Variants in ADGRL3 observed in about 807,000 individuals in gnomAD.
The protein encoded by ADGRL3 is calcium-independent alpha-latrotoxin receptor 3.
Under a neutral mutation model 153.5 loss-of-function variants are expected in ADGRL3, and 62 were observed. That is an observed-to-expected ratio of 0.40 (90% confidence interval 0.33 to 0.50). ADGRL3 has a LOEUF of 0.50. Among genes scored for constraint, ADGRL3 ranks in the 20% least tolerant of loss-of-function variants. The pLI is 0.47. For synonymous variants in ADGRL3, 710 were observed against 672.5 expected, an observed-to-expected ratio of 1.06 and a Z score of -0.86; for missense variants, 1,641 against 1,859.4, an observed-to-expected ratio of 0.88 and a Z score of 2.16.
At chr4:61,204,855 T>C (rs1205843338) in intron 1 of ADGRL3, among the ~76,000 whole-genome samples, 1 of 152,202 alleles carries the variant, frequency 6.6e-6, no homozygotes, top group Non-Finnish European at 1.5e-5. Flanking sequence ...TGTCTCATTT[T>C]TGGTTGCTTG....
intron 1 of ADGRL3, among the ~76,000 whole-genome samples, chr4:61,209,115 C>G (rs1738662536): frequency 6.6e-6 from 1 of 152,090 alleles, no homozygotes; most frequent in Non-Finnish European, 1.5e-5. Context: ...TCTGACCCAG[C>G]CTATCACTAT....
At chr4:61,600,223 G>A (rs574477633) in intron 5 of ADGRL3, among the ~76,000 whole-genome samples, 9 of 137,842 alleles carry the variant, frequency 6.5e-5, no homozygotes, top group African/African-American at 2.2e-4. Context: ...CAGGAGAATC[G>A]CTTGGACCTG....
At chr4:61,960,344 G>C (rs2098983076) in intron 17 of ADGRL3, among the ~76,000 whole-genome samples, 1 of 152,158 alleles carries the variant, frequency 6.6e-6, no homozygotes, top group South Asian at 2.1e-4. Flanking sequence ...ACAAAAACAA[G>C]ACCCTGAACC....
chr4:61,350,355 T>A (rs2096017111), intron 1 of ADGRL3, among the ~76,000 whole-genome samples: 1 of 151,388 alleles, frequency 6.6e-6, no homozygotes, highest in Admixed American at 6.6e-5. Context: ...TTTTTTTTTT[T>A]TTTTTTTCTA....
chr4:61,847,038 T>G (rs1229218901), intron 9 of ADGRL3, among the ~76,000 whole-genome samples: 1 of 151,534 alleles, frequency 6.6e-6, no homozygotes, highest in Non-Finnish European at 1.5e-5. Context: ...AACTCCTCAC[T>G]GGGCCCTGCC....
chr4:61,674,305 T>A (rs2150856369), intron 5 of ADGRL3, among the ~76,000 whole-genome samples: 1 of 151,818 alleles, frequency 6.6e-6, no homozygotes, highest in African/African-American at 2.4e-5. Flanking sequence ...TCCATAATTG[T>A]AAATTTTAAC....
intron 6 of ADGRL3, among the ~76,000 whole-genome samples, chr4:61,689,566 A>G (rs2095503293): frequency 6.6e-6 from 1 of 152,160 alleles, no homozygotes. Context: ...TAAATTTCCA[A>G]AGTGATTTTT....
intron 2 of ADGRL3, among the ~76,000 whole-genome samples, chr4:61,432,169 G>C (rs1282087557): frequency 6.6e-6 from 1 of 152,088 alleles, no homozygotes; most frequent in Non-Finnish European, 1.5e-5. Context: ...ATGATTCTGT[G>C]AATGTCATAA....
intron 14 of ADGRL3, among the ~76,000 whole-genome samples, chr4:61,935,634 A>G (rs1560398998): frequency 6.6e-6 from 1 of 152,244 alleles, no homozygotes; most frequent in East Asian, 1.9e-4. Context: ...TAAAATAAAG[A>G]TTATATTTTG....
intron 5 of ADGRL3, among the ~76,000 whole-genome samples, chr4:61,616,828 C>CT (rs938913812): frequency 2.7e-5 from 4 of 150,704 alleles, no homozygotes; most frequent in East Asian, 1.9e-4. Flanking sequence ...ATTTTTTTAA[C>CT]TTTTTTTTTA....
At chr4:61,302,121 G>A (rs1327850271) in intron 1 of ADGRL3, among the ~76,000 whole-genome samples, 1 of 152,094 alleles carries the variant, frequency 6.6e-6, no homozygotes, top group African/African-American at 2.4e-5. Context: ...TGCAGAAGTG[G>A]ATTAAAAGGA....
intron 5 of ADGRL3, among the ~76,000 whole-genome samples, chr4:61,605,382 G>A (rs372882315): frequency 6.6e-6 from 1 of 152,048 alleles, no homozygotes; most frequent in Non-Finnish European, 1.5e-5. Flanking sequence ...AAGATTGTTA[G>A]TTTTGTTTTG....
intron 1 of ADGRL3, among the ~76,000 whole-genome samples, chr4:61,323,300 C>T (rs2095401139): frequency 6.6e-6 from 1 of 152,182 alleles, no homozygotes; most frequent in Non-Finnish European, 1.5e-5. Context: ...CTGGTGTGCC[C>T]TGCAGACATT....
chr4:61,467,370 T>G (rs2097897817), intron 2 of ADGRL3, among the ~76,000 whole-genome samples: 1 of 152,090 alleles, frequency 6.6e-6, no homozygotes, highest in Non-Finnish European at 1.5e-5. Context: ...AAATCATAAA[T>G]TTAAAGTTTC....
intron 2 of ADGRL3, among the ~76,000 whole-genome samples, chr4:61,419,281 T>C (rs2097176169): frequency 1.3e-5 from 2 of 150,876 alleles, no homozygotes; most frequent in Admixed American, 1.3e-4. Context: ...AATTTCTAAA[T>C]AAAGACCAAA....
intron 17 of ADGRL3, among the ~76,000 whole-genome samples, chr4:61,953,050 T>C (rs1224955283): frequency 6.6e-6 from 1 of 152,242 alleles, no homozygotes; most frequent in Non-Finnish European, 1.5e-5. Context: ...GATTTTGGAA[T>C]GTTAGCGATC....
At chr4:61,371,888 C>G in intron 1 of ADGRL3, among the ~76,000 whole-genome samples, 1 of 152,140 alleles carries the variant, frequency 6.6e-6, no homozygotes, top group East Asian at 1.9e-4. Flanking sequence ...TAGATTTGGT[C>G]TTTTCACATA....
intron 1 of ADGRL3, among the ~76,000 whole-genome samples, chr4:61,282,879 G>A (rs919027228): frequency 1.5e-4 from 23 of 152,016 alleles, no homozygotes; most frequent in African/African-American, 5.3e-4. Context: ...TATTCATAGA[G>A]CATAACAGCT....
At chr4:62,047,869 CTT>C (rs1000514734) in intron 25 of ADGRL3, among the ~76,000 whole-genome samples, 1 of 152,088 alleles carries the variant, frequency 6.6e-6, no homozygotes, top group Non-Finnish European at 1.5e-5. Context: ...ATCAAGTTAA[CTT>C]TAGCGATCCA....
Sources: allele counts gnomAD v4.1 joint callset (sites outside exome capture counted in the v4.1 genomes callset), GRCh38; gene constraint gnomAD v4.1.1; transcripts MANE v1.5; gene names NCBI Gene and HGNC (gene_info 2026-07-23, HGNC 2026-07-21).